Variants in ARHGEF3 observed in about 807,000 individuals in gnomAD.
The protein encoded by ARHGEF3 is Rho guanine nucleotide exchange factor 3.
A neutral mutation model predicts 63.2 loss-of-function variants in ARHGEF3; 28 were observed. That is an observed-to-expected ratio of 0.44 (90% confidence interval 0.33 to 0.61). The LOEUF is 0.61. Ranked by LOEUF, ARHGEF3 falls within the 20% of genes least tolerant of loss-of-function variation. ARHGEF3 has a pLI of 0.03. For missense variants in ARHGEF3, 533 were observed against 659.3 expected, an observed-to-expected ratio of 0.81 and a Z score of 2.10; for synonymous variants, 266 against 254.2, an observed-to-expected ratio of 1.05 and a Z score of -0.44.
intron 4 of ARHGEF3, among the ~76,000 whole-genome samples, chr3:56,827,367 T>C (rs777122557): frequency 2.0e-5 from 3 of 152,172 alleles, no homozygotes; most frequent in Non-Finnish European, 2.9e-5. Context: ...TTTTAAGAGA[T>C]AGCAGGGTGT....
intron 1 of ARHGEF3, chr3:57,075,066 A>G (rs1706146707): frequency 6.0e-6 from 1 of 167,086 alleles, no homozygotes; most frequent in Non-Finnish European, 1.5e-5. Context: ...TGACCACAAC[A>G]TTGGGCTCCA....
chr3:56,910,732 T>C (rs537244682), intron 3 of ARHGEF3, among the ~76,000 whole-genome samples: 104 of 152,102 alleles, frequency 6.8e-4, no homozygotes, highest in African/African-American at 2.3e-3. Context: ...ATATGAAAAA[T>C]GTGAGTGAAA....
At chr3:56,792,839 G>A (rs1162962670) in intron 1 of ARHGEF3, among the ~76,000 whole-genome samples, 2 of 150,888 alleles carry the variant, frequency 1.3e-5, no homozygotes, top group Non-Finnish European at 2.9e-5. Flanking sequence ...TTTAAATAGA[G>A]ACAAGGTCTT....
intron 1 of ARHGEF3, among the ~76,000 whole-genome samples, chr3:57,071,174 T>C (rs7609695): frequency 0.042 from 6,370 of 152,166 alleles, 444 homozygotes; most frequent in African/African-American, 0.15. Context: ...TTATAGTAAA[T>C]TGATTTTTGA....
intron 1 of ARHGEF3, among the ~76,000 whole-genome samples, chr3:57,059,584 G>T (rs191279526): frequency 6.6e-6 from 1 of 152,168 alleles, no homozygotes; most frequent in South Asian, 2.1e-4. Flanking sequence ...TTCAAATCTG[G>T]CTCTGCTATC....
intron 2 of ARHGEF3, among the ~76,000 whole-genome samples, chr3:56,983,366 C>T (rs1426749716): frequency 1.3e-5 from 2 of 152,116 alleles, no homozygotes; most frequent in Non-Finnish European, 2.9e-5. Flanking sequence ...CATCCCTCCC[C>T]ACTGTGACCC....
rs1702166487 is a variant in ARHGEF3 at position 57,000,869 on chromosome 3, T to C, written c.62+34219A>G. 2.0e-5 allele frequency among the ~76,000 whole-genome samples: 3 copies of C among 152,218 alleles called. No homozygotes were observed. The South Asian group carries it at 6.2e-4, about 31-fold the overall frequency. On this transcript the variant is annotated intron_variant, in intron 2 of 12. Coordinates refer to the ARHGEF3 transcript ENST00000338458. ...ATTATTTAACTGTAAGTAACAGAAG[T>C]GTTTCTACATGTAAACTTTATGTAA...
intron 1 of ARHGEF3, among the ~76,000 whole-genome samples, chr3:56,779,585 C>T (rs759498277): frequency 7.2e-5 from 11 of 152,138 alleles, no homozygotes; most frequent in Non-Finnish European, 1.6e-4. Flanking sequence ...CTCCGCCTCC[C>T]GGGTTCACGC....
At chr3:56,927,025 C>G (rs751131463) in intron 3 of ARHGEF3, among the ~76,000 whole-genome samples, 1 of 152,124 alleles carries the variant, frequency 6.6e-6, no homozygotes, top group Non-Finnish European at 1.5e-5. Flanking sequence ...GAACACAGAC[C>G]AGAAATAAAG....
intron 3 of ARHGEF3, among the ~76,000 whole-genome samples, chr3:56,954,364 T>G (rs1699948661): frequency 6.6e-6 from 1 of 151,820 alleles, no homozygotes; most frequent in Non-Finnish European, 1.5e-5. Context: ...CAAGGAAGGG[T>G]GGAAATTCTG....
At position 56,737,226 on chromosome 3, in the gene ARHGEF3, C is replaced by G. The variant is rs1162038759; in HGVS notation, c.1000G>C (p.Val334Leu). 1 of 1,614,034 alleles carries G rather than the reference C, an allele frequency of 6.2e-7. No homozygotes were observed. The highest frequency in any genetic ancestry group is 8.5e-7 in the Non-Finnish European group (1 of 1,180,024). The change falls in exon 8 of 10, where the codon GTC (valine) becomes CTC (leucine). Residue 334 changes from valine to leucine, a missense_variant. Val to Leu is a conservative substitution (Grantham distance 32). This residue lies in a region of ARHGEF3 where 151 missense variants were observed against 190.7 expected (regional missense o/e 0.79). Transcript: ENST00000296315. ...TTCAGTTCACCATGACAACACAAGA[C>G]TCGAGAGCTGTCGATCAGGGAGTCT... ...QKDSLIDSSR[V>L]LCCHGELKNN... is the part of the protein sequence containing the mutation.
In ARHGEF3 at chr3:56,866,172, A is replaced by G. The variant is rs544338276; in HGVS notation, c.192+16120T>C. On this transcript the variant is annotated intron_variant, in intron 4 of 12. Coordinates refer to the ARHGEF3 transcript ENST00000338458. ...AGAGTGAGATCCTGTCTCAAAACAC[A>G]AAACAAAACAAAACAAACCCCACCT... 4.3e-4 allele frequency among the ~76,000 whole-genome samples: 66 copies of G among 152,220 alleles called. 3 individuals are homozygous for G. The South Asian group carries it at 0.013, about 31-fold the overall frequency.
chr3:56,943,979 C>A (rs986935992), intron 3 of ARHGEF3, among the ~76,000 whole-genome samples: 8 of 151,480 alleles, frequency 5.3e-5, no homozygotes, highest in African/African-American at 1.7e-4. Flanking sequence ...ACGTTCGAGA[C>A]CAGCCTGGCC....
At chr3:56,734,984 C>T (rs1184524237) in intron 8 of ARHGEF3, among the ~76,000 whole-genome samples, 1 of 152,016 alleles carries the variant, frequency 6.6e-6, no homozygotes, top group Non-Finnish European at 1.5e-5. Context: ...TCTGGGCAAC[C>T]TTTTAAAAAT....
chr3:56,775,342 T>C lies in ARHGEF3; in HGVS notation c.97-1526A>G, dbSNP rs984684457. ...ATCAACAGCCTTCTTTGAAATAGAC[T>C]GTCTCCAAGCTTTCCAGCATTTGCA... is the stretch of plus-strand genomic sequence containing the variant. On this transcript the variant is annotated intron_variant, in intron 1 of 9. Coordinates refer to ENST00000296315, the MANE Select transcript of ARHGEF3 (RefSeq NM_019555.3). The C allele has an allele frequency of 7.8e-6, 9 of 1,146,504 alleles. No homozygotes were observed. In the Admixed American group the frequency reaches 3.3e-4, roughly 43 times the overall value. 71.0% of individuals were successfully genotyped at this position (1,146,504 alleles called of 1,614,324 possible). A position where few individuals can be genotyped will look rare whatever the true frequency, so the allele number is the denominator to read the frequency against.
intron 1 of ARHGEF3, among the ~76,000 whole-genome samples, chr3:57,078,282 C>T (rs1178985729): frequency 6.6e-6 from 1 of 152,184 alleles, no homozygotes; most frequent in African/African-American, 2.4e-5. Flanking sequence ...GTGCATGGAA[C>T]GCTTAAAAAT....
chr3:56,982,485 G>A (rs928454952), intron 2 of ARHGEF3, among the ~76,000 whole-genome samples: 7 of 152,008 alleles, frequency 4.6e-5, no homozygotes, highest in Non-Finnish European at 1.5e-5. Context: ...CCATCCTGTT[G>A]GAAACTGTGG....
intron 1 of ARHGEF3, among the ~76,000 whole-genome samples, chr3:56,774,139 C>G (rs542044511): frequency 1.3e-5 from 2 of 152,248 alleles, no homozygotes; most frequent in Middle Eastern, 6.8e-3. Flanking sequence ...GTCTCCCCAC[C>G]CCTTCTGTAG....
At chr3:56,863,822 A>G (rs2040157282) in intron 4 of ARHGEF3, among the ~76,000 whole-genome samples, 1 of 152,164 alleles carries the variant, frequency 6.6e-6, no homozygotes, top group African/African-American at 2.4e-5. Context: ...AAAGGACACA[A>G]TTCATCTATA....
Sources: allele counts gnomAD v4.1 joint callset (sites outside exome capture counted in the v4.1 genomes callset), GRCh38; gene constraint gnomAD v4.1.1; regional missense constraint gnomAD v4.1.1; transcripts MANE v1.5; gene names NCBI Gene and HGNC (gene_info 2026-07-23, HGNC 2026-07-21).